The following TBC1D22A variants were observed in gnomAD, a reference collection of about 807,000 sequenced individuals.
The protein encoded by TBC1D22A is putative GTPase activator.
In TBC1D22A, 38 loss-of-function variants were observed where a neutral mutation model predicts 60.2. The ratio of observed to expected loss-of-function variants is 0.63; its 90% CI spans 0.49 to 0.83. The LOEUF (loss-of-function observed/expected upper bound fraction) is 0.83. Ranked by LOEUF, TBC1D22A falls within the 40% of genes least tolerant of loss-of-function variation. TBC1D22A has a pLI of 0.00. For missense variants in TBC1D22A, 628 were observed against 701.0 expected, an observed-to-expected ratio of 0.90 and a Z score of 1.18; for synonymous variants, 302 against 281.7, an observed-to-expected ratio of 1.07 and a Z score of -0.72.
intron 4 of TBC1D22A, among the ~76,000 whole-genome samples, chr22:46,823,684 G>A (rs986866986): frequency 2.0e-5 from 3 of 152,230 alleles, no homozygotes; most frequent in African/African-American, 7.2e-5. Context: ...CTTAATAAAT[G>A]TTAGCGATGC....
intron 4 of TBC1D22A, among the ~76,000 whole-genome samples, chr22:46,834,961 A>G (rs977251532): frequency 1.3e-5 from 2 of 152,178 alleles, no homozygotes; most frequent in Non-Finnish European, 2.9e-5. Context: ...GCACTGCCCT[A>G]AGGAAAAATA....
At chr22:47,136,207 C>G (rs1027945608) in intron 12 of TBC1D22A, among the ~76,000 whole-genome samples, 20 of 152,238 alleles carry the variant, frequency 1.3e-4, no homozygotes, top group African/African-American at 4.3e-4. Context: ...GGGGCCCTTG[C>G]CCACTGTCTG....
intron 11 of TBC1D22A, among the ~76,000 whole-genome samples, chr22:47,088,191 T>C (rs1216168945): frequency 6.6e-6 from 1 of 152,210 alleles, no homozygotes; most frequent in African/African-American, 2.4e-5. Context: ...TGAAAATTAT[T>C]GGACCCAGTT....
chr22:46,974,633 G>C (rs1419755547), intron 9 of TBC1D22A, among the ~76,000 whole-genome samples: 2 of 152,242 alleles, frequency 1.3e-5, no homozygotes, highest in Admixed American at 6.5e-5. Flanking sequence ...CCAGTGGGAA[G>C]GCGAGGTGCA....
chr22:46,941,135 A>G, intron 8 of TBC1D22A, among the ~76,000 whole-genome samples: 1 of 126,060 alleles, frequency 7.9e-6, no homozygotes, highest in African/African-American at 3.5e-5. Context: ...ACACACACAC[A>G]CACACACACA....
chr22:47,014,079 C>T (rs948592342), intron 10 of TBC1D22A, among the ~76,000 whole-genome samples: 29 of 152,312 alleles, frequency 1.9e-4, no homozygotes, highest in African/African-American at 7.0e-4. Context: ...CTGCTGATTA[C>T]AGACCACACT....
chr22:46,845,691 C>T (rs1388819398), intron 4 of TBC1D22A, among the ~76,000 whole-genome samples: 1 of 152,216 alleles, frequency 6.6e-6, no homozygotes, highest in Non-Finnish European at 1.5e-5. Flanking sequence ...ACAGTAATCT[C>T]AGTGAAATAA....
intron 8 of TBC1D22A, among the ~76,000 whole-genome samples, chr22:46,924,755 A>AC (rs55896033): frequency 2.0e-5 from 3 of 150,160 alleles, no homozygotes; most frequent in East Asian, 1.9e-4. Flanking sequence ...CAAAAAAAAA[A>AC]CAAAAACAAA....
intron 11 of TBC1D22A, among the ~76,000 whole-genome samples, chr22:47,072,464 C>A (rs774200664): frequency 7.2e-5 from 11 of 152,258 alleles, no homozygotes; most frequent in Non-Finnish European, 1.6e-4. Context: ...AGTTCCCAGT[C>A]CCATCCGTGG....
At position 47,044,395 on chromosome 22, in the gene TBC1D22A, G is replaced by A. The variant is rs576209491; in HGVS notation, c.1329+7197G>A. On this transcript the variant is annotated intron_variant, in intron 11 of 12. Transcript: ENST00000337137. ...TCGGGTCTCCACTTGCCCTTGCCAA[G>A]CCTGGGTGAGGGTGGACAGCGTGCT... is the stretch of plus-strand genomic sequence containing the variant. Among the ~76,000 whole-genome samples the A allele has an allele frequency of 2.0e-5, 3 of 152,332 alleles. No homozygotes were observed. In the East Asian group the frequency reaches 5.8e-4, roughly 29 times the overall value.
At chr22:47,108,759 G>T (rs1008366842) in intron 11 of TBC1D22A, among the ~76,000 whole-genome samples, 1 of 152,110 alleles carries the variant, frequency 6.6e-6, no homozygotes, top group African/African-American at 2.4e-5. Flanking sequence ...GCAGTGGCTC[G>T]ATCTCGGCTC....
chr22:47,068,404 T>C (rs1256236703), intron 11 of TBC1D22A, among the ~76,000 whole-genome samples: 1 of 152,226 alleles, frequency 6.6e-6, no homozygotes, highest in African/African-American at 2.4e-5. Context: ...CTGAAGTCCG[T>C]GTGTCAGTCC....
At chr22:46,899,941 C>G (rs558442418) in intron 7 of TBC1D22A, among the ~76,000 whole-genome samples, 1 of 152,004 alleles carries the variant, frequency 6.6e-6, no homozygotes, top group Non-Finnish European at 1.5e-5. Context: ...GGATTTCTGC[C>G]GTAAGCATCC....
chr22:47,111,182 C>T (rs1384628841), intron 11 of TBC1D22A, among the ~76,000 whole-genome samples: 1 of 152,182 alleles, frequency 6.6e-6, no homozygotes, highest in Non-Finnish European at 1.5e-5. Context: ...TGGCATGGCA[C>T]CAGCACACGT....
intron 11 of TBC1D22A, among the ~76,000 whole-genome samples, chr22:47,050,003 G>T (rs2063157483): frequency 6.6e-6 from 1 of 152,216 alleles, no homozygotes; most frequent in Non-Finnish European, 1.5e-5. Flanking sequence ...AGTTTTGTGA[G>T]AGGGGGCATT....
At chr22:46,825,340 C>T (rs1318340648) in intron 4 of TBC1D22A, among the ~76,000 whole-genome samples, 1 of 152,184 alleles carries the variant, frequency 6.6e-6, no homozygotes, top group African/African-American at 2.4e-5. Context: ...CAGCTCCCCT[C>T]ACCAGCACAG....
At chr22:47,040,337 G>A (rs2148407513) in intron 11 of TBC1D22A, among the ~76,000 whole-genome samples, 1 of 152,282 alleles carries the variant, frequency 6.6e-6, no homozygotes, top group Non-Finnish European at 1.5e-5. Flanking sequence ...CCACTCGGGA[G>A]AGTCTGACCT....
intron 1 of TBC1D22A, among the ~76,000 whole-genome samples, chr22:46,789,778 TTA>T (rs1282928500): frequency 6.6e-6 from 1 of 152,240 alleles, no homozygotes; most frequent in Non-Finnish European, 1.5e-5. Context: ...GAACCCTTCT[TTA>T]TTTTTTTTTA....
chr22:46,891,075 C>G (rs1409541261), intron 5 of TBC1D22A, among the ~76,000 whole-genome samples, 191 bp from the exon 6 acceptor site: 1 of 151,034 alleles, frequency 6.6e-6, no homozygotes, highest in Admixed American at 6.6e-5. Flanking sequence ...GGGAGTGGTG[C>G]TTGCATTGTG....
Sources: gnomAD v4.1 joint callset for allele counts (sites outside exome capture counted in the v4.1 genomes callset) on GRCh38, gnomAD v4.1.1 for gene constraint, MANE v1.5 for transcripts, NCBI Gene and HGNC (gene_info 2026-07-23, HGNC 2026-07-21) for gene names.